PRLR: variants seen among roughly 807,000 people sequenced by gnomAD.
PRLR encodes the protein hPRL receptor.
Under a neutral mutation model 40.2 loss-of-function variants are expected in PRLR, and 13 were observed. The observed-to-expected ratio is 0.32, with a 90% CI of 0.21 to 0.51. The LOEUF (loss-of-function observed/expected upper bound fraction) is 0.51, where lower values mean the gene tolerates loss of function less well. PRLR is among the 20% of genes least tolerant of loss of function. The pLI is 0.97. For synonymous variants in PRLR, 269 were observed against 278.7 expected (o/e 0.97, Z 0.35); for missense variants, 656 against 747.3 (o/e 0.88, Z 1.42).
intron 1 of PRLR, among the ~76,000 whole-genome samples, chr5:35,176,783 C>T (rs1489163758): frequency 1.3e-5 from 2 of 152,080 alleles, no homozygotes; most frequent in Non-Finnish European, 2.9e-5. Context: ...AAGACCTGAC[C>T]GTCCCCCAGC....
At chr5:35,092,664 C>T (rs1462213518) in intron 2 of PRLR, among the ~76,000 whole-genome samples, 2 of 152,140 alleles carry the variant, frequency 1.3e-5, no homozygotes, top group African/African-American at 4.8e-5. Context: ...AATGAGGGGC[C>T]TCATCTTTTT....
chr5:35,161,023 T>TG (rs1476338939), intron 1 of PRLR, among the ~76,000 whole-genome samples: 5 of 152,354 alleles, frequency 3.3e-5, no homozygotes, highest in Non-Finnish European at 7.3e-5. Context: ...AAGAACCCAT[T>TG]GGGTAATTAC....
At chr5:35,171,048 T>C (rs1183814374) in intron 1 of PRLR, among the ~76,000 whole-genome samples, 1 of 142,626 alleles carries the variant, frequency 7.0e-6, no homozygotes, top group African/African-American at 2.8e-5. Flanking sequence ...TGTTTTTCCC[T>C]GTTTTTTTTT....
intron 6 of PRLR, among the ~76,000 whole-genome samples, chr5:35,071,718 C>T (rs1308720126): frequency 6.6e-6 from 1 of 152,156 alleles, no homozygotes; most frequent in Non-Finnish European, 1.5e-5. Flanking sequence ...CTGCCTCAGC[C>T]TTCAGAGTAG....
intron 1 of PRLR, among the ~76,000 whole-genome samples, chr5:35,178,953 T>C (rs1388093126): frequency 6.6e-6 from 1 of 152,300 alleles, no homozygotes; most frequent in South Asian, 2.1e-4. Context: ...GGACATCTCC[T>C]CATGATGTCA....
intron 1 of PRLR, chr5:35,135,564 T>C (rs565647285): frequency 6.6e-6 from 1 of 152,656 alleles, no homozygotes; most frequent in South Asian, 2.1e-4. Context: ...AGTTATTTTT[T>C]CCTCGTGGTT....
At chr5:35,212,352 C>T (rs1236166640) in intron 1 of PRLR, among the ~76,000 whole-genome samples, 1 of 152,210 alleles carries the variant, frequency 6.6e-6, no homozygotes, top group East Asian at 1.9e-4. Flanking sequence ...CCTTTCAATT[C>T]TGGGTTCCCC....
chr5:35,175,311 T>C (rs555950825), intron 1 of PRLR, among the ~76,000 whole-genome samples: 1 of 152,340 alleles, frequency 6.6e-6, no homozygotes, highest in East Asian at 1.9e-4. Context: ...TCTCTCTCTT[T>C]GCCTGCTGCC....
At chr5:35,220,008 C>G (rs949598506) in intron 1 of PRLR, among the ~76,000 whole-genome samples, 5 of 152,160 alleles carry the variant, frequency 3.3e-5, no homozygotes, top group African/African-American at 9.7e-5. Context: ...CCTCTTCCAC[C>G]TTGCTTGCTG....
At chr5:35,221,711 C>A (rs1776425165) in intron 1 of PRLR, among the ~76,000 whole-genome samples, 1 of 152,144 alleles carries the variant, frequency 6.6e-6, no homozygotes, top group Admixed American at 6.5e-5. Flanking sequence ...TCTAAAGCTC[C>A]CTAGGTGATT....
chr5:35,115,902 T>G (rs188732868), intron 2 of PRLR, among the ~76,000 whole-genome samples: 5 of 152,116 alleles, frequency 3.3e-5, no homozygotes, highest in Non-Finnish European at 7.4e-5. Flanking sequence ...ACTCTTAACT[T>G]TTAATCCCCT....
intron 2 of PRLR, among the ~76,000 whole-genome samples, chr5:35,098,968 C>T (rs953207446): frequency 7.9e-5 from 12 of 152,178 alleles, no homozygotes; most frequent in African/African-American, 2.9e-4. Context: ...ATGGGCACAA[C>T]TGAGAACACT....
chr5:35,197,756 G>C (rs1775775463), intron 1 of PRLR, among the ~76,000 whole-genome samples: 1 of 152,246 alleles, frequency 6.6e-6, no homozygotes, highest in Admixed American at 6.5e-5. Flanking sequence ...CTGCTGCTCA[G>C]ATCATGCACC....
intron 1 of PRLR, among the ~76,000 whole-genome samples, chr5:35,143,747 A>G (rs1237305303): frequency 6.6e-6 from 1 of 152,224 alleles, no homozygotes; most frequent in Admixed American, 6.5e-5. Context: ...TTTAATACAT[A>G]TAAATTAAGT....
Position 35,099,762 on chromosome 5 carries a change from TA to T in PRLR, c.-43-10100del, listed in dbSNP as rs1372676206. On this transcript the variant is annotated intron_variant, in intron 2 of 9. Coordinates refer to ENST00000618457, the MANE Select transcript of PRLR (RefSeq NM_000949.7). ...TGTCTTAGTTTTTAATGAAAAAGTT[TA>T]AAAAGTAAAACAAAAAAACTTTTAA... Among the ~76,000 whole-genome samples, 8 of 152,294 alleles carry T rather than the reference TA, an allele frequency of 5.3e-5. No homozygotes were observed. In the East Asian group the frequency reaches 1.4e-3, roughly 26 times the overall value.
intron 5 of PRLR, 119 bp downstream of exon 5, chr5:35,084,351 G>T: frequency 9.7e-7 from 1 of 1,029,470 alleles, no homozygotes; most frequent in Non-Finnish European, 1.4e-6. Flanking sequence ...CATATCGTGA[G>T]TTTTCTCATC....
At chr5:35,182,649 T>C (rs1222934518) in intron 1 of PRLR, among the ~76,000 whole-genome samples, 1 of 152,222 alleles carries the variant, frequency 6.6e-6, no homozygotes, top group African/African-American at 2.4e-5. Context: ...TCCACAGTGA[T>C]AGATTTCATT....
intron 1 of PRLR, among the ~76,000 whole-genome samples, chr5:35,190,680 A>T (rs1401097958): frequency 6.6e-6 from 1 of 152,154 alleles, no homozygotes; most frequent in South Asian, 2.1e-4. Context: ...ACAATTTTTA[A>T]TTTCAACATA....
chr5:35,230,174 C>T (rs369031785), intron 1 of PRLR, 94 bp downstream of exon 1: 54 of 152,342 alleles, frequency 3.5e-4, no homozygotes, highest in African/African-American at 1.3e-3. Flanking sequence ...CCCTTCAGCA[C>T]GCGGGCCTCG....
Sources: gnomAD v4.1 joint callset for allele counts (sites outside exome capture counted in the v4.1 genomes callset) on GRCh38, gnomAD v4.1.1 for gene constraint, MANE v1.5 for transcripts, NCBI Gene and HGNC (gene_info 2026-07-23, HGNC 2026-07-21) for gene names.